The following RBM47 variants were observed in gnomAD, a reference collection of about 807,000 sequenced individuals.
RBM47 encodes RNA-binding protein 47.
In RBM47, 21 loss-of-function variants were observed where a neutral mutation model predicts 47.1. The observed-to-expected ratio is 0.45, with a 90% CI of 0.32 to 0.64. The LOEUF (loss-of-function observed/expected upper bound fraction) is 0.64. Among genes scored for constraint, RBM47 ranks in the 30% least tolerant of loss-of-function variants. The pLI is 0.05. For synonymous variants in RBM47, 375 were observed against 361.7 expected, an observed-to-expected ratio of 1.04 and a Z score of -0.42; for missense variants, 708 against 870.9, an observed-to-expected ratio of 0.81 and a Z score of 2.35.
intron 1 of RBM47, among the ~76,000 whole-genome samples, chr4:40,572,851 C>A (rs1189789792): frequency 6.6e-6 from 1 of 151,800 alleles, no homozygotes; most frequent in Non-Finnish European, 1.5e-5. Flanking sequence ...TTAAAATTCA[C>A]CACAAAATTG....
chr4:40,504,020 GA>G (rs935552994), intron 2 of RBM47, among the ~76,000 whole-genome samples: 26 of 151,644 alleles, frequency 1.7e-4, no homozygotes, highest in Non-Finnish European at 3.5e-4. Flanking sequence ...AAAAAAAAGT[GA>G]AAAAAAAATT....
intron 2 of RBM47, among the ~76,000 whole-genome samples, chr4:40,535,584 G>A (rs767781743): frequency 6.7e-5 from 10 of 150,160 alleles, no homozygotes; most frequent in South Asian, 4.2e-4. Flanking sequence ...TTTTTCAGAC[G>A]GAGTCTAGCC....
chr4:40,499,737 A>G (rs1376424219), intron 2 of RBM47, among the ~76,000 whole-genome samples: 2 of 152,242 alleles, frequency 1.3e-5, no homozygotes, highest in Non-Finnish European at 2.9e-5. Flanking sequence ...ATTAAGTTCT[A>G]TGACTCCTTG....
intron 3 of RBM47, among the ~76,000 whole-genome samples, chr4:40,459,230 C>G (rs915288299): frequency 3.9e-5 from 6 of 152,110 alleles, no homozygotes; most frequent in Non-Finnish European, 7.4e-5. Context: ...TATTTTATCC[C>G]CAGTGCCTGG....
At chr4:40,535,083 C>CATAATT (rs1727808574) in intron 2 of RBM47, among the ~76,000 whole-genome samples, 1 of 152,052 alleles carries the variant, frequency 6.6e-6, no homozygotes, top group Non-Finnish European at 1.5e-5. Context: ...GAATCCTAGC[C>CATAATT]CCTTCTTTAG....
intron 1 of RBM47, among the ~76,000 whole-genome samples, chr4:40,589,341 C>T (rs181155436): frequency 2.0e-5 from 3 of 152,324 alleles, no homozygotes; most frequent in African/African-American, 7.2e-5. Flanking sequence ...TGTTCCCAAA[C>T]TGTGTGAGGG....
At chr4:40,550,345 A>C (rs1455276543) in intron 1 of RBM47, among the ~76,000 whole-genome samples, 3 of 152,162 alleles carry the variant, frequency 2.0e-5, no homozygotes. Context: ...TAGTTCCTAC[A>C]TCTTGATTGG....
At chr4:40,529,388 T>G (rs1225424461) in intron 2 of RBM47, among the ~76,000 whole-genome samples, 1 of 151,646 alleles carries the variant, frequency 6.6e-6, no homozygotes, top group African/African-American at 2.4e-5. Context: ...TGGTAGCACA[T>G]GCCTGTAATC....
At chr4:40,479,159 T>C (rs1231059186) in intron 2 of RBM47, among the ~76,000 whole-genome samples, 1 of 152,200 alleles carries the variant, frequency 6.6e-6, no homozygotes, top group African/African-American at 2.4e-5. Flanking sequence ...TAAAGCACCA[T>C]AGTATTTTCT....
intron 2 of RBM47, among the ~76,000 whole-genome samples, chr4:40,516,921 C>T (rs1725646266): frequency 6.6e-6 from 1 of 152,202 alleles, no homozygotes; most frequent in Admixed American, 6.5e-5. Context: ...GTTTATCTCA[C>T]TTGACCTCTT....
At chr4:40,630,781 G>A (rs1266715610), upstream of RBM47, 8 of 151,938 alleles carry the variant, frequency 5.3e-5, no homozygotes, top group Admixed American at 5.2e-4. Flanking sequence ...CGCCTTACCT[G>A]TTTATACAAG....
At chr4:40,612,470 C>T (rs1736346889) in intron 1 of RBM47, among the ~76,000 whole-genome samples, 1 of 152,192 alleles carries the variant, frequency 6.6e-6, no homozygotes, top group Admixed American at 6.5e-5. Flanking sequence ...CAAGATCGCA[C>T]CACTGCACTT....
intron 2 of RBM47, among the ~76,000 whole-genome samples, chr4:40,530,577 G>A (rs910592447): frequency 6.6e-6 from 1 of 152,208 alleles, no homozygotes; most frequent in Admixed American, 6.5e-5. Flanking sequence ...TGGGATTACA[G>A]GCGTGAAGCA....
intron 2 of RBM47, among the ~76,000 whole-genome samples, chr4:40,524,029 ACT>A (rs1188461772): frequency 6.6e-6 from 1 of 152,158 alleles, no homozygotes; most frequent in Non-Finnish European, 1.5e-5. Context: ...TAAATTATTT[ACT>A]GTTTATCTGA....
At chr4:40,614,745 C>T (rs374502512) in intron 1 of RBM47, among the ~76,000 whole-genome samples, 1 of 152,026 alleles carries the variant, frequency 6.6e-6, no homozygotes, top group South Asian at 2.1e-4. Flanking sequence ...ATGGAAAGAT[C>T]ACTTGAGCCT....
intron 1 of RBM47, among the ~76,000 whole-genome samples, chr4:40,584,975 TG>T (rs1733402718): frequency 6.6e-6 from 1 of 152,334 alleles, no homozygotes; most frequent in African/African-American, 2.4e-5. Context: ...GGAGGCGCAG[TG>T]ACCATATCTA....
chr4:40,545,913 A>G (rs999696755), intron 1 of RBM47, among the ~76,000 whole-genome samples: 10 of 152,226 alleles, frequency 6.6e-5, no homozygotes, highest in Admixed American at 2.0e-4. Context: ...CATTGTGACA[A>G]GAGATATGAA....
chr4:40,490,042 T>C (rs529060056), intron 2 of RBM47, among the ~76,000 whole-genome samples: 249 of 152,314 alleles, frequency 1.6e-3, no homozygotes, highest in Non-Finnish European at 2.7e-3. Context: ...TACACAGTAA[T>C]CTGAATAGCT....
intron 1 of RBM47, among the ~76,000 whole-genome samples, chr4:40,626,010 T>C (rs1404781785): frequency 6.6e-6 from 1 of 152,210 alleles, no homozygotes; most frequent in Non-Finnish European, 1.5e-5. Context: ...AAAGCTTTGA[T>C]AGGGTGCACC....
Sources: allele counts gnomAD v4.1 joint callset (sites outside exome capture counted in the v4.1 genomes callset), GRCh38; gene constraint gnomAD v4.1.1; transcripts MANE v1.5; gene names NCBI Gene and HGNC (gene_info 2026-07-23, HGNC 2026-07-21).